Variants in SYT16 observed in about 807,000 individuals in gnomAD.
The protein encoded by SYT16 is synaptotagmin 16.
SYT16 carries 42 observed loss-of-function variants against 61.4 expected under a neutral mutation model. The ratio of observed to expected loss-of-function variants is 0.68; its 90% confidence interval spans 0.53 to 0.89. SYT16 has a LOEUF of 0.89. Among genes scored for constraint, SYT16 ranks in the 40% least tolerant of loss-of-function variants. SYT16 has a pLI of 0.00. For missense variants in SYT16, 804 were observed against 807.3 expected (o/e 1.00, Z 0.05); for synonymous variants, 314 against 302.3 (o/e 1.04, Z -0.40).
chr14:62,093,458 T>C (rs1164020893), intron 7 of SYT16, among the ~76,000 whole-genome samples: 2 of 152,016 alleles, frequency 1.3e-5, no homozygotes, highest in Admixed American at 1.3e-4. Flanking sequence ...TCTCTCTTTT[T>C]CCCAGTCCCT....
intron 1 of SYT16, among the ~76,000 whole-genome samples, chr14:61,872,789 C>G (rs2047370008): frequency 6.6e-6 from 1 of 152,200 alleles, no homozygotes; most frequent in Non-Finnish European, 1.5e-5. Context: ...CATGGCTTCT[C>G]TTGTTTTATT....
intron 3 of SYT16, among the ~76,000 whole-genome samples, chr14:62,046,729 G>C (rs933934396): frequency 4.6e-5 from 7 of 152,126 alleles, no homozygotes; most frequent in Non-Finnish European, 1.5e-5. Flanking sequence ...CCCATTTCTT[G>C]TTTTTGTCAA....
intron 7 of SYT16, among the ~76,000 whole-genome samples, chr14:62,086,746 T>C (rs1414204888): frequency 6.6e-6 from 1 of 152,242 alleles, no homozygotes; most frequent in South Asian, 2.1e-4. Flanking sequence ...AATTTAGAAA[T>C]GGATTTTATT....
chr14:62,060,988 T>C (rs2055800652), intron 3 of SYT16, among the ~76,000 whole-genome samples: 1 of 152,036 alleles, frequency 6.6e-6, no homozygotes, highest in South Asian at 2.1e-4. Context: ...TATGTCAAGG[T>C]ACAGAGATAA....
rs2049580806 is a variant in SYT16 at position 61,927,392 on chromosome 14, G to T, written c.-324-42740G>T. Among the ~76,000 whole-genome samples the T allele has an allele frequency of 1.3e-5, 2 of 152,192 alleles. 1 individual carries two copies. The highest frequency in any genetic ancestry group is 3.8e-4 in the East Asian group (2 of 5,200). On this transcript the variant is annotated intron_variant, in intron 1 of 7. Transcript: ENST00000683842. Reference sequence around the variant, plus strand: ...GTAGGAGCTTTAGGCACAAATAAGAGAAAGCACTTTTTTTATTAACCAAAA... The same window carrying T: ...GTAGGAGCTTTAGGCACAAATAAGATAAAGCACTTTTTTTATTAACCAAAA...
chr14:61,930,838 G>T (rs537895462), intron 1 of SYT16, among the ~76,000 whole-genome samples: 1 of 152,194 alleles, frequency 6.6e-6, no homozygotes, highest in East Asian at 1.9e-4. Flanking sequence ...CATAGAGAAA[G>T]GGACCATGAG....
chr14:61,983,931 C>T (rs1233577729), intron 2 of SYT16, among the ~76,000 whole-genome samples: 1 of 152,122 alleles, frequency 6.6e-6, no homozygotes, highest in Non-Finnish European at 1.5e-5. Context: ...TTTATAGTTG[C>T]CACTCCACAA....
Position 62,100,376 on chromosome 14 carries a change from C to CTTTTT in SYT16, c.1625-12_1625-8dup, listed in dbSNP as rs749150838. 1.0e-5 allele frequency: 13 copies of CTTTTT among 1,286,602 alleles called. No individual in the cohort carries two copies. Among genetic ancestry groups the CTTTTT allele is most frequent in the Admixed American group, 7.0e-5 (3 of 43,068 alleles). 79.7% of individuals were successfully genotyped at this position (1,286,602 alleles called of 1,614,324 possible). A position where few individuals can be genotyped will look rare whatever the true frequency, so the allele number is the denominator to read the frequency against. On this transcript the variant is annotated splice_polypyrimidine_tract_variant and intron_variant, in intron 7 of 7. Coordinates refer to ENST00000683842, the MANE Select transcript of SYT16 (RefSeq NM_001367656.1). Reference sequence around the variant, plus strand: ...TGTTTCTTATCATCCCCACCCCACCCTTTTTTTTTTGTCTTAGATACATAT... The same window carrying CTTTTT: ...TGTTTCTTATCATCCCCACCCCACCCTTTTTTTTTTTTTTTGTCTTAGATACATAT...
intron 1 of SYT16, among the ~76,000 whole-genome samples, chr14:61,905,945 C>T (rs932884970): frequency 7.9e-5 from 12 of 152,012 alleles, no homozygotes; most frequent in East Asian, 1.9e-4. Flanking sequence ...TTAGTAGAGA[C>T]GGGGTTTCAC....
chr14:61,942,577 A>T (rs1290739788), intron 1 of SYT16, among the ~76,000 whole-genome samples: 6 of 152,192 alleles, frequency 3.9e-5, no homozygotes, highest in Non-Finnish European at 5.9e-5. Context: ...CTGAAACAGA[A>T]TTTCAGCAGG....
intron 3 of SYT16, among the ~76,000 whole-genome samples, chr14:62,051,811 C>T (rs543826886): frequency 1.3e-5 from 2 of 152,270 alleles, no homozygotes; most frequent in South Asian, 4.1e-4. Context: ...GCAGGTGGAT[C>T]ACCTAAGCCC....
chr14:61,996,005 A>C lies in SYT16; in HGVS notation c.-15A>C. 3 of 1,568,932 alleles carry C rather than the reference A, an allele frequency of 1.9e-6. No homozygotes were observed. The highest frequency in any genetic ancestry group is 1.7e-6 in the Non-Finnish European group (2 of 1,158,428). The stretch of plus-strand genomic sequence containing the variant: ...AACTGAACAACTGGACACTGTAGAC[A>C]TCAGATAGCTGGCCATGGTGTTGGC... On this transcript the variant is annotated 5_prime_UTR_variant, in exon 3 of 8. Transcript: ENST00000683842.
intron 3 of SYT16, among the ~76,000 whole-genome samples, chr14:62,039,409 A>G (rs1027356065): frequency 6.6e-6 from 1 of 152,236 alleles, no homozygotes; most frequent in Admixed American, 6.5e-5. Flanking sequence ...AGAAGGCCCT[A>G]AAATCCACTT....
chr14:61,950,171 G>C (rs971911455), intron 1 of SYT16, among the ~76,000 whole-genome samples: 2 of 152,172 alleles, frequency 1.3e-5, no homozygotes, highest in Admixed American at 1.3e-4. Flanking sequence ...AGCAATACAT[G>C]TTAAAATCTA....
chr14:61,947,234 C>T (rs1004578125), intron 1 of SYT16, among the ~76,000 whole-genome samples: 5 of 146,368 alleles, frequency 3.4e-5, no homozygotes, highest in South Asian at 2.2e-4. Context: ...TGGGTATTTT[C>T]GGTGGATCTT....
rs748414335 is a variant in SYT16, at chr14:62,106,286, T to A, written c.*5579T>A. ...TACAACTGTTAAGTTAGTCTAACTA[T>A]GTGCCATAAACAGTAGAGTTCCTTG... On this transcript the variant is annotated 3_prime_UTR_variant, in exon 8 of 8. Transcript: ENST00000683842. The A allele has an allele frequency of 5.3e-5, 8 of 152,220 alleles. 1 individual carries two copies. The highest frequency in any genetic ancestry group is 8.8e-5 in the Non-Finnish European group (6 of 68,050). The allele number at this position is 152,220 out of a possible 1,614,324, so 9.4% of individuals were successfully genotyped here.
chr14:61,957,258 A>G (rs1319228220), intron 1 of SYT16, among the ~76,000 whole-genome samples: 1 of 151,910 alleles, frequency 6.6e-6, no homozygotes, highest in South Asian at 2.1e-4. Context: ...GCATCTGCAG[A>G]CAGAGAAAGT....
chr14:61,960,538 A>G (rs1342805953), intron 1 of SYT16, among the ~76,000 whole-genome samples: 1 of 152,070 alleles, frequency 6.6e-6, no homozygotes, highest in Non-Finnish European at 1.5e-5. Context: ...AGTGATTTTC[A>G]TACATTTATT....
At chr14:61,884,547 C>A (rs1433237825) in intron 1 of SYT16, among the ~76,000 whole-genome samples, 1 of 152,276 alleles carries the variant, frequency 6.6e-6, no homozygotes, top group East Asian at 1.9e-4. Context: ...TTGGAAGTTG[C>A]CACTTGCAAG....
Sources: allele counts gnomAD v4.1 joint callset (sites outside exome capture counted in the v4.1 genomes callset), GRCh38; gene constraint gnomAD v4.1.1; transcripts MANE v1.5; gene names NCBI Gene and HGNC (gene_info 2026-07-23, HGNC 2026-07-21).